The following OSBPL1A variants were observed in gnomAD, a reference collection of about 807,000 sequenced individuals.
OSBPL1A encodes the protein oxysterol-binding protein-related protein 1.
A neutral mutation model predicts 137.1 loss-of-function variants in OSBPL1A; 80 were observed. The observed-to-expected ratio is 0.58, with a 90% CI of 0.49 to 0.70. The LOEUF is 0.70. OSBPL1A is among the 30% of genes least tolerant of loss of function. OSBPL1A has a pLI of 0.00. For synonymous variants in OSBPL1A, 365 were observed against 389.7 expected, an observed-to-expected ratio of 0.94 and a Z score of 0.75; for missense variants, 970 against 1,129.4, an observed-to-expected ratio of 0.86 and a Z score of 2.02.
intron 2 of OSBPL1A, among the ~76,000 whole-genome samples, chr18:24,372,338 C>T (rs1380896867): frequency 6.6e-6 from 1 of 152,060 alleles, no homozygotes; most frequent in Admixed American, 6.6e-5. Flanking sequence ...CCACTGCTTC[C>T]ATTGTTTCTG....
At chr18:24,235,881 T>C (rs79170919) in intron 16 of OSBPL1A, among the ~76,000 whole-genome samples, 2,205 of 152,256 alleles carry the variant, frequency 0.014, 24 homozygotes, top group Non-Finnish European at 0.024. Flanking sequence ...GATGGGGAGA[T>C]TATACTGGAT....
intron 7 of OSBPL1A, chr18:24,321,768 GA>G: frequency 2.1e-6 from 1 of 465,760 alleles, no homozygotes. Context: ...TTTTTAAAAA[GA>G]AAAAGAGATG....
At chr18:24,208,491 T>A (rs183524586) in intron 17 of OSBPL1A, among the ~76,000 whole-genome samples, 5 of 152,224 alleles carry the variant, frequency 3.3e-5, no homozygotes, top group African/African-American at 1.2e-4. Context: ...TTTGTCCTGG[T>A]TGGGGCATAA....
At chr18:24,388,247 G>T (rs933949455) in intron 1 of OSBPL1A, among the ~76,000 whole-genome samples, 7 of 152,086 alleles carry the variant, frequency 4.6e-5, no homozygotes, top group African/African-American at 1.7e-4. Context: ...CTGTAAACTC[G>T]ATGAGAACAA....
At chr18:24,315,267 C>T (rs79781343) in intron 11 of OSBPL1A, among the ~76,000 whole-genome samples, 2,067 of 152,160 alleles carry the variant, frequency 0.014, 49 homozygotes, top group African/African-American at 0.048. Context: ...ATAAAGCAAA[C>T]CTGGGAACCC....
intron 15 of OSBPL1A, among the ~76,000 whole-genome samples, chr18:24,265,853 G>C (rs2089557214): frequency 6.6e-6 from 1 of 152,190 alleles, no homozygotes; most frequent in Non-Finnish European, 1.5e-5. Context: ...CACAACCACT[G>C]TGCTTCTTGT....
rs555036572 is a variant in OSBPL1A at position 24,192,260 on chromosome 18, C to T, written c.1677+3865G>A. 5.9e-5 allele frequency among the ~76,000 whole-genome samples: 9 copies of T among 152,170 alleles called. 1 individual carries two copies. The South Asian group carries it at 1.9e-3, about 32-fold the overall frequency. On this transcript the variant is annotated intron_variant, in intron 18 of 27. Coordinates refer to ENST00000319481, the MANE Select transcript of OSBPL1A (RefSeq NM_080597.4). ...CTCTGGCTGAGCCCTGCTGAGAAAGCCACTGGAGCAAAGGGATGGAGGAGA... is the reference window on the plus strand; with the variant it reads ...CTCTGGCTGAGCCCTGCTGAGAAAGTCACTGGAGCAAAGGGATGGAGGAGA...
intron 15 of OSBPL1A, among the ~76,000 whole-genome samples, chr18:24,242,786 G>A (rs908141611): frequency 3.3e-5 from 5 of 152,088 alleles, no homozygotes; most frequent in African/African-American, 9.7e-5. Flanking sequence ...GATCAGAAGA[G>A]ACATGAAAAA....
At chr18:24,164,537 T>C (rs1396035579) in intron 27 of OSBPL1A, among the ~76,000 whole-genome samples, 2 of 148,344 alleles carry the variant, frequency 1.3e-5, no homozygotes, top group Non-Finnish European at 3.0e-5. Context: ...CACGCCATTC[T>C]CCTGCCTCAG....
intron 1 of OSBPL1A, among the ~76,000 whole-genome samples, chr18:24,394,204 CA>C (rs1289426798): frequency 6.6e-6 from 1 of 152,128 alleles, no homozygotes; most frequent in Non-Finnish European, 1.5e-5. Context: ...GATAAATTTA[CA>C]TTACCTTCTC....
intron 13 of OSBPL1A, among the ~76,000 whole-genome samples, chr18:24,310,165 C>G (rs1303857806): frequency 6.6e-6 from 1 of 150,798 alleles, no homozygotes; most frequent in Non-Finnish European, 1.5e-5. Flanking sequence ...CTCTCATTAA[C>G]TCTAGGTGCA....
At chr18:24,274,823 C>T (rs776319377) in intron 15 of OSBPL1A, among the ~76,000 whole-genome samples, 1 of 151,766 alleles carries the variant, frequency 6.6e-6, no homozygotes, top group Admixed American at 6.6e-5. Context: ...GCAGGAGAAT[C>T]GCTTGAACCC....
At chr18:24,232,218 C>A (rs567160078) in intron 16 of OSBPL1A, among the ~76,000 whole-genome samples, 14 of 152,274 alleles carry the variant, frequency 9.2e-5, no homozygotes, top group Admixed American at 7.2e-4. Context: ...AAAGTAAACA[C>A]AACCTAACAT....
At chr18:24,260,170 A>G (rs935448082) in intron 15 of OSBPL1A, among the ~76,000 whole-genome samples, 2 of 152,218 alleles carry the variant, frequency 1.3e-5, no homozygotes, top group African/African-American at 4.8e-5. Flanking sequence ...AAAGAAAATA[A>G]GTGTTCAGAA....
At chr18:24,285,580 G>GA (rs1486274372) in intron 14 of OSBPL1A, among the ~76,000 whole-genome samples, 2 of 152,038 alleles carry the variant, frequency 1.3e-5, no homozygotes, top group Non-Finnish European at 2.9e-5. Context: ...GTATTTAAAA[G>GA]AAAAAAACTG....
chr18:24,200,359 C>T (rs933297032), intron 17 of OSBPL1A, among the ~76,000 whole-genome samples: 1 of 151,866 alleles, frequency 6.6e-6, no homozygotes, highest in Admixed American at 6.6e-5. Flanking sequence ...GTCTGGAGTT[C>T]GAGACCAGCC....
chr18:24,336,844 A>G lies in OSBPL1A; in HGVS notation c.395-2514T>C, dbSNP rs139134990. ...GATAGCAAAACATTACTTTGCAACC[A>G]CTAGAGTAATCAATGATTAGGGCAA... On this transcript the variant is annotated intron_variant, in intron 5 of 27. Coordinates refer to ENST00000319481, the MANE Select transcript of OSBPL1A (RefSeq NM_080597.4). 3.7e-3 allele frequency among the ~76,000 whole-genome samples: 565 copies of G among 152,308 alleles called. 1 individual carries two copies. Among genetic ancestry groups the G allele is most frequent in the Middle Eastern group, 0.024 (7 of 294 alleles).
intron 17 of OSBPL1A, among the ~76,000 whole-genome samples, chr18:24,210,466 A>T (rs2087504668): frequency 6.6e-6 from 1 of 151,810 alleles, no homozygotes; most frequent in African/African-American, 2.4e-5. Flanking sequence ...AAAACAAAAA[A>T]AACCCTTATT....
chr18:24,167,503 C>A (rs2086173764), intron 24 of OSBPL1A, 58 bp from the exon 25 acceptor site: 1 of 1,363,482 alleles, frequency 7.3e-7, no homozygotes, highest in Middle Eastern at 1.8e-4. Context: ...TACAGTCAAG[C>A]ACCACATAAT....
Sources: allele counts gnomAD v4.1 joint callset (sites outside exome capture counted in the v4.1 genomes callset), GRCh38; gene constraint gnomAD v4.1.1; transcripts MANE v1.5; gene names NCBI Gene and HGNC (gene_info 2026-07-23, HGNC 2026-07-21).